CDH13: variants seen among roughly 807,000 people sequenced by gnomAD.
CDH13 encodes the protein cadherin 13.
A neutral mutation model predicts 63.8 loss-of-function variants in CDH13; 24 were observed. That is an observed-to-expected ratio of 0.38 (90% CI 0.27 to 0.53). The LOEUF is 0.53. Ranked by LOEUF, CDH13 falls within the 20% of genes least tolerant of loss-of-function variation. The pLI, the probability that CDH13 is intolerant of heterozygous loss-of-function variation, is 0.85. For missense variants in CDH13, 1,049 were observed against 903.1 expected (o/e 1.16, Z -2.07); for synonymous variants, 503 against 355.3 (o/e 1.42, Z -4.67).
chr16:82,703,605 ACCT>A (rs2031235204), intron 1 of CDH13, among the ~76,000 whole-genome samples: 1 of 152,012 alleles, frequency 6.6e-6, no homozygotes, highest in Non-Finnish European at 1.5e-5. Context: ...TCCTGGAACC[ACCT>A]CCTAAATAAG....
intron 2 of CDH13, among the ~76,000 whole-genome samples, chr16:82,866,691 A>G (rs930037720): frequency 1.3e-5 from 2 of 152,146 alleles, no homozygotes; most frequent in Non-Finnish European, 2.9e-5. Flanking sequence ...ATTGACTCAC[A>G]GTTCAGCATG....
intron 1 of CDH13, among the ~76,000 whole-genome samples, chr16:82,678,295 C>G (rs912543295): frequency 1.4e-5 from 2 of 147,176 alleles, no homozygotes; most frequent in African/African-American, 5.0e-5. Flanking sequence ...GTTTAAAATG[C>G]AAATGCATGG....
At chr16:83,391,892 G>A (rs184798080) in intron 6 of CDH13, among the ~76,000 whole-genome samples, 62 of 152,286 alleles carry the variant, frequency 4.1e-4, no homozygotes, top group African/African-American at 1.3e-3. Context: ...GTGTAAAATC[G>A]AGTTGGGTTC....
rs189936417 is a variant in CDH13, at chr16:82,854,098, C to T, written c.46-4264C>T. On this transcript the variant is annotated intron_variant, in intron 1 of 13. Coordinates refer to ENST00000567109, the MANE Select transcript of CDH13 (RefSeq NM_001257.5). ...AAGCATAGATACTGTTTTGAATTCT[C>T]TTAAGAAATTAAAGGGCAAGGCTGG... Among the ~76,000 whole-genome samples the T allele has an allele frequency of 3.0e-3, 450 of 152,190 alleles. 3 individuals carry two copies. The highest frequency in any genetic ancestry group is 0.01 in the Middle Eastern group (3 of 294).
chr16:82,680,823 A>T (rs187583215), intron 1 of CDH13, among the ~76,000 whole-genome samples: 3 of 152,304 alleles, frequency 2.0e-5, no homozygotes, highest in Admixed American at 1.3e-4. Flanking sequence ...TGGAACCAGG[A>T]GATAGAAGGC....
chr16:82,735,278 C>T (rs2033615556), intron 1 of CDH13, among the ~76,000 whole-genome samples: 1 of 152,192 alleles, frequency 6.6e-6, no homozygotes, highest in Non-Finnish European at 1.5e-5. Flanking sequence ...AGAAGGAACA[C>T]TATTTAATCA....
chr16:83,398,595 T>C (rs12924031), intron 6 of CDH13, among the ~76,000 whole-genome samples: 13,265 of 151,736 alleles, frequency 0.087, 643 homozygotes, highest in South Asian at 0.13. Context: ...CATAGAGGTA[T>C]CTTTTAGGGA....
intron 2 of CDH13, among the ~76,000 whole-genome samples, chr16:83,021,462 A>C (rs1054962404): frequency 6.6e-6 from 1 of 152,228 alleles, no homozygotes; most frequent in African/African-American, 2.4e-5. Flanking sequence ...TACAAAACAA[A>C]GATTCAAAGC....
intron 6 of CDH13, among the ~76,000 whole-genome samples, chr16:83,392,560 A>G (rs969421971): frequency 4.6e-5 from 7 of 152,160 alleles, no homozygotes; most frequent in Non-Finnish European, 1.5e-5. Context: ...ACATCACACG[A>G]ATGAATATTC....
At chr16:83,494,519 GT>G (rs2074091735) in intron 7 of CDH13, among the ~76,000 whole-genome samples, 1 of 152,160 alleles carries the variant, frequency 6.6e-6, no homozygotes, top group Admixed American at 6.6e-5. Context: ...TAAGAAAAAT[GT>G]TGCTCCTGCC....
intron 2 of CDH13, among the ~76,000 whole-genome samples, chr16:82,885,334 A>G (rs926413412): frequency 3.9e-5 from 6 of 152,180 alleles, no homozygotes; most frequent in South Asian, 2.1e-4. Context: ...CTGAAAAATA[A>G]TCAGTTTTAT....
chr16:83,537,691 A>T (rs1441416880), intron 7 of CDH13, among the ~76,000 whole-genome samples: 1 of 152,196 alleles, frequency 6.6e-6, no homozygotes, highest in Non-Finnish European at 1.5e-5. Context: ...GTTATTATCT[A>T]ATATAGTGGC....
chr16:83,643,792 T>C (rs745947097), intron 8 of CDH13, among the ~76,000 whole-genome samples: 3 of 152,242 alleles, frequency 2.0e-5, no homozygotes, highest in Non-Finnish European at 4.4e-5. Context: ...ATTCATAGTT[T>C]ACTTACGTTA....
At chr16:83,444,256 G>T (rs1259321137) in intron 6 of CDH13, among the ~76,000 whole-genome samples, 1 of 152,088 alleles carries the variant, frequency 6.6e-6, no homozygotes, top group Non-Finnish European at 1.5e-5. Context: ...GATGGTAGAG[G>T]CTTACATTGA....
chr16:83,459,721 A>G lies in CDH13; in HGVS notation c.782-26756A>G, dbSNP rs10514568. On this transcript the variant is annotated intron_variant, in intron 6 of 13. Transcript: ENST00000567109. ...CCTGTATTAAGAGTCACTTGATCACAGGAAGAAAAATAACCAAATGACTCA... is the reference window on the plus strand; with the variant it reads ...CCTGTATTAAGAGTCACTTGATCACGGGAAGAAAAATAACCAAATGACTCA... 5.5e-3 allele frequency among the ~76,000 whole-genome samples: 841 copies of G among 152,370 alleles called. 5 individuals carry two copies. Among genetic ancestry groups the G allele is most frequent in the Non-Finnish European group, 8.5e-3 (580 of 68,042 alleles).
chr16:83,764,841 A>T (rs1480070853), intron 11 of CDH13, among the ~76,000 whole-genome samples: 1 of 152,158 alleles, frequency 6.6e-6, no homozygotes, highest in Non-Finnish European at 1.5e-5. Context: ...CCTCCATGAC[A>T]GTCCTGGCCT....
At chr16:83,526,130 A>C (rs2074953591) in intron 7 of CDH13, among the ~76,000 whole-genome samples, 1 of 152,216 alleles carries the variant, frequency 6.6e-6, no homozygotes, top group Non-Finnish European at 1.5e-5. Context: ...GGCAGAACCA[A>C]AAACACCAGG....
At chr16:82,953,112 A>G (rs541961261) in intron 2 of CDH13, 4 of 152,150 alleles carry the variant, frequency 2.6e-5, no homozygotes, top group African/African-American at 9.7e-5. Flanking sequence ...CTCATAGACT[A>G]TGATCTTTTG....
chr16:83,231,256 G>T (rs2151802964), intron 5 of CDH13, among the ~76,000 whole-genome samples: 1 of 152,288 alleles, frequency 6.6e-6, no homozygotes, highest in East Asian at 1.9e-4. Context: ...TGGCATGCCG[G>T]TACCCTGGGG....
Sources: allele counts gnomAD v4.1 joint callset (sites outside exome capture counted in the v4.1 genomes callset), GRCh38; gene constraint gnomAD v4.1.1; transcripts MANE v1.5; gene names NCBI Gene and HGNC (gene_info 2026-07-23, HGNC 2026-07-21).